Variants in RBFOX1 observed in about 807,000 individuals in gnomAD.
RBFOX1 encodes RNA binding fox-1 homolog 1.
RBFOX1 carries 8 observed loss-of-function variants against 57.7 expected under a neutral mutation model. The observed-to-expected ratio is 0.14, with a 90% CI of 0.08 to 0.25. The LOEUF is 0.25. RBFOX1 is among the 10% of genes least tolerant of loss of function. The pLI, the probability that RBFOX1 is intolerant of heterozygous loss-of-function variation, is 1.00. For missense variants in RBFOX1, 611 were observed against 548.5 expected (o/e 1.11, Z -1.14); for synonymous variants, 326 against 222.4 (o/e 1.47, Z -4.15).
intron 2 of RBFOX1, among the ~76,000 whole-genome samples, chr16:5,561,636 T>C (rs1283183894): frequency 1.3e-5 from 2 of 152,116 alleles, no homozygotes; most frequent in African/African-American, 4.8e-5. Flanking sequence ...TACTAGACCT[T>C]TATATGATGA....
intron 14 of RBFOX1, among the ~76,000 whole-genome samples, chr16:7,695,164 C>T (rs1412154842): frequency 6.6e-6 from 1 of 152,090 alleles, no homozygotes; most frequent in African/African-American, 2.4e-5. Flanking sequence ...ATCCCTAGTC[C>T]TTTGATGGCC....
At chr16:5,720,186 T>A (rs1424782459) in intron 3 of RBFOX1, among the ~76,000 whole-genome samples, 1 of 152,178 alleles carries the variant, frequency 6.6e-6, no homozygotes, top group Non-Finnish European at 1.5e-5. Flanking sequence ...TATTGAACAT[T>A]GTGTGTGTGC....
intron 4 of RBFOX1, among the ~76,000 whole-genome samples, chr16:5,927,735 G>A (rs1325374067): frequency 6.6e-6 from 1 of 152,186 alleles, no homozygotes; most frequent in African/African-American, 2.4e-5. Context: ...AAATAATGTG[G>A]TGTATATACA....
At chr16:5,305,741 C>G (rs1449058879) in intron 1 of RBFOX1, among the ~76,000 whole-genome samples, 1 of 152,158 alleles carries the variant, frequency 6.6e-6, no homozygotes, top group Non-Finnish European at 1.5e-5. Context: ...AGGTTTTAAA[C>G]AGCGAATTAT....
At chr16:7,335,631 T>A (rs1166242823) in intron 4 of RBFOX1, among the ~76,000 whole-genome samples, 1 of 151,272 alleles carries the variant, frequency 6.6e-6, no homozygotes. Context: ...ACCAGTCATT[T>A]GGTGTGCCAG....
At chr16:7,005,563 C>T (rs375710672) in intron 3 of RBFOX1, among the ~76,000 whole-genome samples, 1 of 152,154 alleles carries the variant, frequency 6.6e-6, no homozygotes, top group Non-Finnish European at 1.5e-5. Context: ...AATGGAAAAG[C>T]AGCTCCTGAA....
At chr16:5,681,261 T>C (rs987814556) in intron 3 of RBFOX1, among the ~76,000 whole-genome samples, 13 of 150,086 alleles carry the variant, frequency 8.7e-5, no homozygotes, top group Non-Finnish European at 1.8e-4. Context: ...TTTTTTTGTA[T>C]TTTTGGTAGA....
intron 10 of RBFOX1, among the ~76,000 whole-genome samples, chr16:7,622,065 C>T (rs1186037840): frequency 1.3e-5 from 2 of 151,940 alleles, no homozygotes; most frequent in African/African-American, 4.8e-5. Context: ...GCTCACAGAC[C>T]ATACAAAAAT....
chr16:7,095,247 C>T (rs557161902), intron 4 of RBFOX1, among the ~76,000 whole-genome samples: 176 of 152,286 alleles, frequency 1.2e-3, no homozygotes, highest in African/African-American at 4.0e-3. Flanking sequence ...AACGATTCTC[C>T]TGCCTCAGCC....
chr16:5,667,654 C>G (rs1008298539), intron 3 of RBFOX1, among the ~76,000 whole-genome samples: 12 of 152,146 alleles, frequency 7.9e-5, no homozygotes, highest in Middle Eastern at 3.2e-3. Flanking sequence ...TCTTATTTTT[C>G]TGATTGATCT....
At chr16:7,250,143 T>C (rs931204912) in intron 4 of RBFOX1, among the ~76,000 whole-genome samples, 23 of 152,234 alleles carry the variant, frequency 1.5e-4, no homozygotes, top group African/African-American at 5.5e-4. Flanking sequence ...TCAAGCCTTT[T>C]ATTGATTTTC....
chr16:6,693,588 C>T (rs1231197602), intron 3 of RBFOX1, among the ~76,000 whole-genome samples: 1 of 150,924 alleles, frequency 6.6e-6, no homozygotes, highest in Non-Finnish European at 1.5e-5. Context: ...TCGTCATCAT[C>T]CTCCACTACC....
intron 4 of RBFOX1, among the ~76,000 whole-genome samples, chr16:6,011,963 A>G (rs1359633551): frequency 1.3e-5 from 2 of 152,202 alleles, no homozygotes; most frequent in Non-Finnish European, 2.9e-5. Context: ...CATCGCCCAC[A>G]CCATCTTGCA....
In RBFOX1 at chr16:5,740,710, G is replaced by A. The variant is rs531009280; in HGVS notation, c.319-126593G>A. 1.6e-3 allele frequency among the ~76,000 whole-genome samples: 239 copies of A among 152,244 alleles called. 1 individual carries two copies. The highest frequency in any genetic ancestry group is 5.4e-3 in the African/African-American group (226 of 41,540). ...TTCCCATATCTCAGTATCATTCTAAGGTGAGCTGTCATGGTGGCAAAAGGG... is the reference window on the plus strand; with the variant it reads ...TTCCCATATCTCAGTATCATTCTAAAGTGAGCTGTCATGGTGGCAAAAGGG... On this transcript the variant is annotated intron_variant, in intron 3 of 19. Transcript: ENST00000641259.
rs185149342 is a variant in RBFOX1 at position 6,858,794 on chromosome 16, T to C, written c.-15-193263T>C. ...TGAAAGTTTTAGAAAACCCAGAAAT[T>C]AGAGCAGTGGCATTCGCCTCTGCTG... On this transcript the variant is annotated intron_variant, in intron 3 of 15. Coordinates refer to ENST00000550418, the MANE Select transcript of RBFOX1 (RefSeq NM_018723.4). 7.2e-5 allele frequency among the ~76,000 whole-genome samples: 11 copies of C among 152,080 alleles called. 1 individual carries two copies. The highest frequency in any genetic ancestry group is 1.9e-4 in the East Asian group (1 of 5,150).
chr16:6,982,838 C>A (rs896937700), intron 3 of RBFOX1, among the ~76,000 whole-genome samples: 3 of 151,700 alleles, frequency 2.0e-5, no homozygotes, highest in African/African-American at 7.3e-5. Flanking sequence ...ACTAAAAATA[C>A]AAAAATTAGC....
At chr16:5,737,995 A>G (rs1270833503) in intron 3 of RBFOX1, among the ~76,000 whole-genome samples, 5 of 151,888 alleles carry the variant, frequency 3.3e-5, no homozygotes, top group Non-Finnish European at 2.9e-5. Flanking sequence ...TGCTAATGTT[A>G]TCCCTCCCCT....
chr16:6,104,331 C>T (rs76834283), intron 1 of RBFOX1, among the ~76,000 whole-genome samples: 1 of 151,892 alleles, frequency 6.6e-6, no homozygotes, highest in African/African-American at 2.4e-5. Context: ...TTAAGGGAAA[C>T]CTTTAGAACT....
At chr16:6,588,341 T>G (rs373684663) in intron 2 of RBFOX1, among the ~76,000 whole-genome samples, 4 of 151,614 alleles carry the variant, frequency 2.6e-5, no homozygotes, top group African/African-American at 9.7e-5. Context: ...CTTATTTCTT[T>G]CACAGCTTTT....
Sources: allele counts gnomAD v4.1 joint callset (sites outside exome capture counted in the v4.1 genomes callset), GRCh38; gene constraint gnomAD v4.1.1; transcripts MANE v1.5; gene names NCBI Gene and HGNC (gene_info 2026-07-23, HGNC 2026-07-21).